Variants in CITED2 observed in about 807,000 individuals in gnomAD.
The protein encoded by CITED2 is Cbp/p300 interacting transactivator with ED-rich tail 2, also known as cbp/p300-interacting transactivator 2.
CITED2 carries 2 observed loss-of-function variants against 11.8 expected under a neutral mutation model. The ratio of observed to expected loss-of-function variants is 0.17; its 90% CI spans 0.07 to 0.54. CITED2 has a LOEUF of 0.54. CITED2 is among the 20% of genes least tolerant of loss of function. The pLI, the probability that CITED2 is intolerant of heterozygous loss-of-function variation, is 0.94. For missense variants in CITED2, 437 were observed against 390.2 expected (o/e 1.12, Z -1.01); for synonymous variants, 210 against 153.0 (o/e 1.37, Z -2.75).
intron 1 of CITED2, 40 bp from the exon 2 acceptor site, chr6:139,373,992 C>G: frequency 6.4e-7 from 1 of 1,567,208 alleles, no homozygotes; most frequent in African/African-American, 1.3e-5. Flanking sequence ...CCGCGCCACA[C>G]GTGTCGCCCA....
chr6:139,373,845 G>C lies in CITED2; in HGVS notation c.100C>G (p.Pro34Ala), dbSNP rs376452134. Residue 34 changes from proline to alanine, a missense_variant, in exon 2 of 2, where the codon CCG becomes GCG. Around this residue, in one of 3 missense-constraint regions of CITED2, gnomAD observed 396 missense variants for 325.2 expected, o/e 1.22. Transcript: ENST00000367651. ...TGCTGCTGGTGGTGATGGGGGCTCG[G>C]GAACTGCCCCATGCCCATGCGGTGG... ...PAHRMGMGQF[P>A]SPHHHQQQQP... 5.0e-6 allele frequency: 8 copies of C among 1,605,548 alleles called. No individual in the cohort carries two copies. Among genetic ancestry groups the C allele is most frequent in the Non-Finnish European group, 6.8e-6 (8 of 1,179,976 alleles).
chr6:139,373,445 G>T lies in CITED2; in HGVS notation c.500C>A (p.Pro167His), dbSNP rs534916197. ...GGTGCTGCTGCCGCCCGAGCCGCCG[G>T]GGGTGCTGCTGCCGCCGCTGTGCTT... ...NPKHSGGSST[P>H]GGSGGSSTPG... The change falls in exon 2 of 2, where the codon CCC becomes CAC. Residue 167 changes from proline (P) to histidine (H), a missense_variant. Pro to His is a moderately conservative substitution (Grantham distance 77). Coordinates refer to ENST00000367651, the MANE Select transcript of CITED2 (RefSeq NM_006079.5). The T allele has an allele frequency of 2.1e-5, 33 of 1,540,104 alleles. No homozygotes were observed. The South Asian group carries it at 3.2e-4, about 15-fold the overall frequency.
Position 139,372,947 on chromosome 6 carries a change from AG to A in CITED2, c.*184del. 1 of 652,754 alleles carries A rather than the reference AG, an allele frequency of 1.5e-6. No homozygotes were observed. Among genetic ancestry groups the A allele is most frequent in the South Asian group, 1.8e-5 (1 of 55,028 alleles). The allele number at this position is 652,754 out of a possible 1,614,324, so 40.4% of individuals were successfully genotyped here. On this transcript the variant is annotated 3_prime_UTR_variant, in exon 2 of 2. Transcript: ENST00000367651. ...AAGGCTACAAAAACGAAACAAAAAC[AG>A]GAAAAAAAAGTGGCAGCAATTTTTT... is the stretch of plus-strand genomic sequence containing the variant.
In CITED2 at chr6:139,373,910, C is replaced by A; in HGVS notation, c.35G>T (p.Arg12Leu). ...ADHMMAMNHG[R>L]FPDGTNGLHH... ...CAGCCCATTGGTGCCGTCGGGGAAG[C>A]GCCCGTGGTTCATGGCCATCATATG... The change falls in exon 2 of 2, where the codon CGC (arginine) becomes CTC (leucine). Residue 12 changes from arginine (R) to leucine (L), a missense_variant. By Grantham distance (102) the Arg-to-Leu change is moderately radical. Coordinates refer to ENST00000367651, the MANE Select transcript of CITED2 (RefSeq NM_006079.5). The A allele has an allele frequency of 1.3e-6, 2 of 1,599,820 alleles. No homozygotes were observed. Among genetic ancestry groups the A allele is most frequent in the African/African-American group, 1.3e-5 (1 of 75,004 alleles).
chr6:139,372,527 G>C lies in CITED2; in HGVS notation c.*605C>G, dbSNP rs1778267374. 6.6e-6 allele frequency: 1 copy of C among 152,082 alleles called. No homozygotes were observed. The highest frequency in any genetic ancestry group is 6.4e-5 in the Admixed American group (1 of 15,738). 9.4% of individuals were successfully genotyped at this position (152,082 alleles called of 1,614,324 possible). A position where few individuals can be genotyped will look rare whatever the true frequency, so the allele number is the denominator to read the frequency against. On this transcript the variant is annotated 3_prime_UTR_variant, in exon 2 of 2. Coordinates refer to ENST00000367651, the MANE Select transcript of CITED2 (RefSeq NM_006079.5). ...CATATGGGGGTGGGGGGGGCGGCGG[G>C]GGGGACAGCCAACTTGAAAGTGAAC...
chr6:139,374,503 G>A lies in CITED2; in HGVS notation c.-99C>T, dbSNP rs1238339195. The A allele has an allele frequency of 8.4e-6, 2 of 238,808 alleles. No individual in the cohort carries two copies. The highest frequency in any genetic ancestry group is 1.6e-5 in the Non-Finnish European group (2 of 123,382). The allele number at this position is 238,808 out of a possible 1,614,324, so 14.8% of individuals were successfully genotyped here. On this transcript the variant is annotated 5_prime_UTR_variant, in exon 1 of 2. Transcript: ENST00000367651. ...GCAGCACATAGAGGGGACCTTCCTG[G>A]CGTGCAAAGCGCTTCGCTGTCGCGA...
Position 139,373,531 on chromosome 6 carries a change from C to A in CITED2, c.414G>T (p.Leu138Phe). ...PYPHNHYMPD[L>F]HPAAGHQMNG... is the part of the protein sequence containing the mutation. ...TCATCTGGTGGCCTGCAGCAGGGTG[C>A]AAATCCGGCATGTAGTGGTTGTGGG... Residue 138 changes from leucine (L) to phenylalanine (F), a missense_variant, in exon 2 of 2, where the codon TTG becomes TTT. Physicochemically the swap from Leu to Phe is conservative, Grantham distance 22. Around this residue, in one of 3 missense-constraint regions of CITED2, gnomAD observed 396 missense variants for 325.2 expected, o/e 1.22. Coordinates refer to ENST00000367651, the MANE Select transcript of CITED2 (RefSeq NM_006079.5). The A allele has an allele frequency of 6.2e-7, 1 of 1,613,938 alleles. No individual in the cohort carries two copies. Among genetic ancestry groups the A allele is most frequent in the Non-Finnish European group, 8.5e-7 (1 of 1,179,904 alleles).
Position 139,371,874 on chromosome 6 carries a change from T to A in CITED2, c.*1258A>T, listed in dbSNP as rs1478152123. The stretch of plus-strand genomic sequence containing the variant: ...TGTATTATTCCAATCTACCTCTATT[T>A]AAGTAGTTGAATCAGGTATAAACAG... On this transcript the variant is annotated 3_prime_UTR_variant, in exon 2 of 2. Transcript: ENST00000367651. The A allele has an allele frequency of 6.6e-6, 1 of 152,226 alleles. No homozygotes were observed. Among genetic ancestry groups the A allele is most frequent in the East Asian group, 1.9e-4 (1 of 5,200 alleles). 9.4% of individuals were successfully genotyped at this position (152,226 alleles called of 1,614,324 possible).
rs1778338132 is a variant in CITED2 at position 139,374,552 on chromosome 6, G to A, written c.-148C>T. 5.1e-6 allele frequency: 1 copy of A among 195,664 alleles called. No homozygotes were observed. Among genetic ancestry groups the A allele is most frequent in the Admixed American group, 5.8e-5 (1 of 17,372 alleles). 12.1% of individuals were successfully genotyped at this position (195,664 alleles called of 1,614,324 possible). ...GATGTCGGCGCCGAGGTCTCGCAGC[G>A]GCCGCTGGGGCAGATTCGGAGCCGT... On this transcript the variant is annotated 5_prime_UTR_variant, in exon 1 of 2. Transcript: ENST00000367651.
At position 139,372,984 on chromosome 6, in the gene CITED2, T is replaced by A. The variant is rs370467636; in HGVS notation, c.*148A>T. 4 of 863,960 alleles carry A rather than the reference T, an allele frequency of 4.6e-6. No homozygotes were observed. The highest frequency in any genetic ancestry group is 1.7e-5 in the African/African-American group (1 of 58,904). The allele number at this position is 863,960 out of a possible 1,614,324, so 53.5% of individuals were successfully genotyped here. ...TGGCAGCAATTTTTTTTAAAACCAA[T>A]TTGTACAAGTTTATAGTTTACTTTG... On this transcript the variant is annotated 3_prime_UTR_variant, in exon 2 of 2. Transcript: ENST00000367651.
intron 1 of CITED2, 200 bp from the exon 2 acceptor site, chr6:139,374,152 G>A (rs1048508538): frequency 4.8e-6 from 7 of 1,466,858 alleles, no homozygotes; most frequent in Non-Finnish European, 6.3e-6. Flanking sequence ...ACAGCCGGAC[G>A]CTGCACAAAC....
rs148956290 is a variant in CITED2 at position 139,373,936 on chromosome 6, G to A, written c.9C>T (p.Asp3=). 5.6e-6 allele frequency: 9 copies of A among 1,598,788 alleles called. No homozygotes were observed. Among genetic ancestry groups the A allele is most frequent in the Middle Eastern group, 3.7e-4 (2 of 5,478 alleles). The change falls in exon 2 of 2, where the codon GAC becomes GAT. Residue 3 remains aspartate, a synonymous_variant. Transcript: ENST00000367651. MA[D]HMMAMNHGRF... is the part of the protein sequence containing the mutation. ...GCCCGTGGTTCATGGCCATCATATG[G>A]TCTGCCATTTCCAGTCCTGGAAGTG...
rs1372341995 is a variant in CITED2, at chr6:139,373,614, G to A, written c.331C>T (p.Pro111Ser). 1.2e-6 allele frequency: 2 copies of A among 1,614,054 alleles called. No individual in the cohort carries two copies. The highest frequency in any genetic ancestry group is 1.1e-5 in the South Asian group (1 of 91,082). ...AGCTTCTGCAGCTGCATGCTGGCCG[G>A]CAGGGAGCCTCCCTGGCTGGCCACC... ...PPVASQGGSL[P>S]ASMQLQKLNN... Residue 111 changes from proline to serine, a missense_variant, in exon 2 of 2, where the codon CCG becomes TCG. By Grantham distance (74) the Pro-to-Ser change is moderately conservative. This residue lies in a region of CITED2 where 396 missense variants were observed against 325.2 expected (regional missense o/e 1.22). Transcript: ENST00000367651.
Position 139,373,669 on chromosome 6 carries a change from C to T in CITED2, c.276G>A (p.Arg92=), listed in dbSNP as rs776500398. 6.6e-5 allele frequency: 106 copies of T among 1,612,782 alleles called. No individual in the cohort carries two copies. The highest frequency in any genetic ancestry group is 8.6e-5 in the Non-Finnish European group (102 of 1,179,760). The change falls in exon 2 of 2, where the codon AGG becomes AGA. Residue 92 remains arginine (R), a synonymous_variant. Transcript: ENST00000367651. The part of the protein sequence containing the change: ...HPPSALAPAA[R]FNNSQFMGPP... ...GACCCATGAACTGGGAGTTGTTAAA[C>T]CTGGCCGCGGGGGCCAGCGCGCTCG...
chr6:139,374,142 AC>A, intron 1 of CITED2, 190 bp from the exon 2 acceptor site: 1 of 1,472,136 alleles, frequency 6.8e-7, no homozygotes. Flanking sequence ...CACTCATAAC[AC>A]AGCCGGACGC....
In CITED2 at chr6:139,372,161, A is replaced by G. The variant is rs542273241; in HGVS notation, c.*971T>C. On this transcript the variant is annotated 3_prime_UTR_variant, in exon 2 of 2. Transcript: ENST00000367651. ...TAGTGTCCTGTAATTTATCCTTTGG[A>G]ATGCTTACTCTCATCAATAGTGTTC... 3 of 152,326 alleles carry G rather than the reference A, an allele frequency of 2.0e-5. No individual in the cohort carries two copies. In the East Asian group the frequency reaches 5.8e-4, roughly 29 times the overall value. The allele number at this position is 152,326 out of a possible 1,614,324, so 9.4% of individuals were successfully genotyped here.
rs1298546890 is a variant in CITED2, at chr6:139,373,472, G to T, written c.473C>A (p.Pro158His). The T allele has an allele frequency of 6.2e-7, 1 of 1,603,140 alleles. No individual in the cohort carries two copies. Among genetic ancestry groups the T allele is most frequent in the Non-Finnish European group, 8.5e-7 (1 of 1,173,754 alleles). ...GGTGCTGCTGCCGCCGCTGTGCTTG[G>T]GGTTGCAATCTCGGAAGTGCTGGTT... is the stretch of plus-strand genomic sequence containing the variant. ...GTNQHFRDCNPKHSGGSSTPG... is the reference protein window; with the variant it reads ...GTNQHFRDCNHKHSGGSSTPG... Residue 158 changes from proline to histidine, a missense_variant, in exon 2 of 2, where the codon CCC becomes CAC. Pro to His is a moderately conservative substitution (Grantham distance 77, BLOSUM62 -2). This residue lies in a region of CITED2 where 396 missense variants were observed against 325.2 expected (regional missense o/e 1.22). Coordinates refer to ENST00000367651, the MANE Select transcript of CITED2 (RefSeq NM_006079.5).
Position 139,373,539 on chromosome 6 carries a change from G to C in CITED2, c.406C>G (p.Pro136Ala), listed in dbSNP as rs1349491356. 1.2e-6 allele frequency: 2 copies of C among 1,613,974 alleles called. No homozygotes were observed. Among genetic ancestry groups the C allele is most frequent in the African/African-American group, 2.7e-5 (2 of 74,940 alleles). The stretch of plus-strand genomic sequence containing the variant: ...TGGCCTGCAGCAGGGTGCAAATCCG[G>C]CATGTAGTGGTTGTGGGGGTAGGGG... ...HHPYPHNHYM[P>A]DLHPAAGHQM... The change falls in exon 2 of 2, where the codon CCG becomes GCG. Residue 136 changes from proline (P) to alanine (A), a missense_variant. Pro to Ala is a conservative substitution (Grantham distance 27). Coordinates refer to ENST00000367651, the MANE Select transcript of CITED2 (RefSeq NM_006079.5).
Position 139,373,559 on chromosome 6 carries a change from T to G in CITED2, c.386A>C (p.Tyr129Ser), listed in dbSNP as rs1583067312. 1 of 1,613,410 alleles carries G rather than the reference T, an allele frequency of 6.2e-7. No homozygotes were observed. The highest frequency in any genetic ancestry group is 8.5e-7 in the Non-Finnish European group (1 of 1,179,854). ...ATCCGGCATGTAGTGGTTGTGGGGG[T>G]AGGGGTGATGGTTGAAATACTGGTT... ...LNNQYFNHHP[Y>S]PHNHYMPDLH... The change falls in exon 2 of 2, where the codon TAC becomes TCC. Residue 129 changes from tyrosine to serine, a missense_variant. Transcript: ENST00000367651.
Sources: gnomAD v4.1 joint callset for allele counts on GRCh38, gnomAD v4.1.1 for gene constraint, gnomAD v4.1.1 regional missense constraint, MANE v1.5 for transcripts, NCBI Gene and HGNC (gene_info 2026-07-23, HGNC 2026-07-21) for gene names.